The following MCUB variants were observed in gnomAD, a reference collection of about 807,000 sequenced individuals.
The protein encoded by MCUB is calcium uniporter regulatory subunit MCUb, mitochondrial.
Under a neutral mutation model 41.4 loss-of-function variants are expected in MCUB, and 46 were observed. That is an observed-to-expected ratio of 1.11 (90% CI 0.88 to 1.42). The LOEUF (loss-of-function observed/expected upper bound fraction) is 1.42. Ranked by LOEUF, MCUB falls within the 40% of genes most tolerant of loss-of-function variation. MCUB has a pLI of 0.00. For synonymous variants in MCUB, 148 were observed against 148.2 expected (o/e 1.00, Z 0.01); for missense variants, 403 against 404.9 (o/e 1.00, Z 0.04).
intron 1 of MCUB, among the ~76,000 whole-genome samples, chr4:109,635,550 G>T (rs183876574): frequency 1.2e-4 from 18 of 152,252 alleles, no homozygotes; most frequent in African/African-American, 4.1e-4. Flanking sequence ...TGACATGCCT[G>T]GTCAAACCAA....
At position 109,664,400 on chromosome 4, in the gene MCUB, A is replaced by AAACACAGCTATCC. The variant is rs1729298309; in HGVS notation, c.451+10_451+22dup. 1 of 1,158,012 alleles carries AAACACAGCTATCC rather than the reference A, an allele frequency of 8.6e-7. No individual in the cohort carries two copies. The highest frequency in any genetic ancestry group is 1.3e-6 in the Non-Finnish European group (1 of 779,524). The allele number at this position is 1,158,012 out of a possible 1,614,324, so 71.7% of individuals were successfully genotyped here. A position where few individuals can be genotyped will look rare whatever the true frequency, so the allele number is the denominator to read the frequency against. On this transcript the variant is annotated splice_region_variant and intron_variant, in intron 4 of 7. Coordinates refer to ENST00000394650, the MANE Select transcript of MCUB (RefSeq NM_017918.5). ...TGTGCAGTGTCCAAAGAGAGGTAAG[A>AAACACAGCTATCC]AACACAGCTATCCAACTATTACTTT...
chr4:109,607,197 T>A (rs1727898960), intron 1 of MCUB, among the ~76,000 whole-genome samples: 2 of 143,222 alleles, frequency 1.4e-5, no homozygotes, highest in African/African-American at 5.1e-5. Flanking sequence ...TTCTTATTGC[T>A]CATTAACATC....
rs776435948 is a variant in MCUB, at chr4:109,687,478, C to T, written c.934-37C>T. ...GCAGTAATGTTGGTATGTTTCTCTT[C>T]TTTCTGATCACATGCTTTTTCTTTT... On this transcript the variant is annotated intron_variant, in intron 7 of 7. Coordinates refer to ENST00000394650, the MANE Select transcript of MCUB (RefSeq NM_017918.5). 30 of 1,441,714 alleles carry T rather than the reference C, an allele frequency of 2.1e-5. 2 individuals are homozygous for T. The South Asian group carries it at 3.3e-4, about 16-fold the overall frequency. The allele number at this position is 1,441,714 out of a possible 1,614,324, so 89.3% of individuals were successfully genotyped here. A position where few individuals can be genotyped will look rare whatever the true frequency, so the allele number is the denominator to read the frequency against.
At chr4:109,626,918 CATTATA>C (rs1728373821) in intron 1 of MCUB, among the ~76,000 whole-genome samples, 1 of 151,234 alleles carries the variant, frequency 6.6e-6, no homozygotes, top group South Asian at 2.1e-4. Flanking sequence ...CATTTTGTCA[CATTATA>C]ATTAAAACAG....
intron 1 of MCUB, among the ~76,000 whole-genome samples, chr4:109,580,652 G>T (rs1364184692): frequency 3.3e-5 from 5 of 152,146 alleles, no homozygotes; most frequent in Non-Finnish European, 7.4e-5. Flanking sequence ...ATTTTTTCAT[G>T]TGTCTGTTGG....
At chr4:109,637,717 A>G (rs1212668936) in intron 1 of MCUB, among the ~76,000 whole-genome samples, 2 of 152,202 alleles carry the variant, frequency 1.3e-5, no homozygotes, top group Admixed American at 1.3e-4. Flanking sequence ...CCAAAGGCGT[A>G]AGAATGATAC....
intron 1 of MCUB, among the ~76,000 whole-genome samples, chr4:109,654,653 A>C (rs557492344): frequency 1.3e-5 from 2 of 152,308 alleles, no homozygotes; most frequent in South Asian, 4.1e-4. Context: ...TTCTGAAACT[A>C]CTGGAAGGCT....
chr4:109,587,304 GA>G (rs1727331790), intron 1 of MCUB, among the ~76,000 whole-genome samples: 1 of 152,248 alleles, frequency 6.6e-6, no homozygotes, highest in African/African-American at 2.4e-5. Context: ...CATTTGCTAA[GA>G]CTGTTGGAAA....
intron 1 of MCUB, among the ~76,000 whole-genome samples, chr4:109,598,906 A>G (rs923965596): frequency 6.6e-6 from 1 of 152,254 alleles, no homozygotes; most frequent in Non-Finnish European, 1.5e-5. Context: ...TGTTCTGAAT[A>G]CAGTAAATTA....
chr4:109,593,697 C>G (rs1283653691), intron 1 of MCUB, among the ~76,000 whole-genome samples: 1 of 152,190 alleles, frequency 6.6e-6, no homozygotes, highest in Non-Finnish European at 1.5e-5. Flanking sequence ...CTTAACATTG[C>G]CAATGCAACA....
At chr4:109,630,985 C>T (rs1222684022) in intron 1 of MCUB, among the ~76,000 whole-genome samples, 1 of 152,166 alleles carries the variant, frequency 6.6e-6, no homozygotes, top group African/African-American at 2.4e-5. Context: ...TTCACCATTT[C>T]GCAGACCTGA....
chr4:109,634,503 A>AG (rs1728546739), intron 1 of MCUB, among the ~76,000 whole-genome samples: 1 of 145,616 alleles, frequency 6.9e-6, no homozygotes, highest in Non-Finnish European at 1.5e-5. Context: ...AAAAAAAAAA[A>AG]GAAGTGTCTC....
intron 4 of MCUB, chr4:109,681,543 G>A (rs111765870): frequency 0.029 from 12,184 of 423,816 alleles, 273 homozygotes; most frequent in Non-Finnish European, 0.043. Context: ...TGGCCTCACG[G>A]ATTCTAAGGA....
At chr4:109,621,125 T>C (rs551630211) in intron 1 of MCUB, among the ~76,000 whole-genome samples, 1 of 152,250 alleles carries the variant, frequency 6.6e-6, no homozygotes, top group South Asian at 2.1e-4. Flanking sequence ...GGTCTCGAAC[T>C]CCTGACCTCG....
In MCUB at chr4:109,560,335, A is replaced by G; in HGVS notation, c.-3A>G. 8.0e-7 allele frequency: 1 copy of G among 1,256,588 alleles called. No homozygotes were observed. The highest frequency in any genetic ancestry group is 3.2e-5 in the East Asian group (1 of 31,380). 77.8% of individuals were successfully genotyped at this position (1,256,588 alleles called of 1,614,324 possible). A position where few individuals can be genotyped will look rare whatever the true frequency, so the allele number is the denominator to read the frequency against. On this transcript the variant is annotated 5_prime_UTR_variant, in exon 1 of 8. Transcript: ENST00000394650. Reference sequence around the variant, plus strand: ...GCGGGAGCCGCGCGCCTGGGGCGGGAGGATGCTCCAGAGGGGCCTCTGGCC... The same window carrying G: ...GCGGGAGCCGCGCGCCTGGGGCGGGGGGATGCTCCAGAGGGGCCTCTGGCC...
Position 109,687,644 on chromosome 4 carries a change from C to T in MCUB, c.*52C>T. On this transcript the variant is annotated 3_prime_UTR_variant, in exon 8 of 8. Transcript: ENST00000394650. ...TTTCCATTATGTATTGATTTTGCAA[C>T]TTAGGATGTTTTTGAGTCCCATGGT... is the stretch of plus-strand genomic sequence containing the variant. The T allele has an allele frequency of 1.7e-6, 2 of 1,207,790 alleles. No homozygotes were observed. The highest frequency in any genetic ancestry group is 2.4e-6 in the Non-Finnish European group (2 of 822,522). The allele number at this position is 1,207,790 out of a possible 1,614,324, so 74.8% of individuals were successfully genotyped here.
rs139154930 is a variant in MCUB at position 109,641,093 on chromosome 4, G to A, written c.100-17918G>A. ...TGGGAAGGGAAAGGTTGGCAGAGCA[G>A]TCAGAACACATACAGTGTTTTTTTT... On this transcript the variant is annotated intron_variant, in intron 1 of 7. Transcript: ENST00000394650. Among the ~76,000 whole-genome samples, 606 of 151,918 alleles carry A rather than the reference G, an allele frequency of 4.0e-3. 14 individuals are homozygous for A. The highest frequency in any genetic ancestry group is 0.038 in the Admixed American group (579 of 15,268).
At chr4:109,589,483 A>G (rs1157782309) in intron 1 of MCUB, among the ~76,000 whole-genome samples, 2 of 152,200 alleles carry the variant, frequency 1.3e-5, no homozygotes, top group African/African-American at 4.8e-5. Flanking sequence ...TTAGAGCAGT[A>G]GAGAAAGCCC....
At chr4:109,613,743 G>A (rs1197070176) in intron 1 of MCUB, among the ~76,000 whole-genome samples, 1 of 152,134 alleles carries the variant, frequency 6.6e-6, no homozygotes, top group East Asian at 1.9e-4. Context: ...AATACCAGGA[G>A]GCAGGATCAC....
Sources: allele counts gnomAD v4.1 joint callset (sites outside exome capture counted in the v4.1 genomes callset), GRCh38; gene constraint gnomAD v4.1.1; transcripts MANE v1.5; gene names NCBI Gene and HGNC (gene_info 2026-07-23, HGNC 2026-07-21).